The following CCS variants were observed in gnomAD, a reference collection of about 807,000 sequenced individuals.
CCS encodes copper chaperone for superoxide dismutase, also known as superoxide dismutase copper chaperone.
In CCS, 32 loss-of-function variants were observed where a neutral mutation model predicts 35.5. The observed-to-expected ratio is 0.90, with a 90% CI of 0.68 to 1.21. The LOEUF (loss-of-function observed/expected upper bound fraction) is 1.21, where lower values mean the gene tolerates loss of function less well. Ranked by LOEUF, CCS falls within the 50% of genes most tolerant of loss-of-function variation. The pLI is 0.00. For synonymous variants in CCS, 130 were observed against 147.2 expected (o/e 0.88, Z 0.84); for missense variants, 342 against 375.4 (o/e 0.91, Z 0.73).
chr11:66,605,890 A>T lies in CCS; in HGVS notation c.*35A>T, dbSNP rs971734484. ...CACCTTGGCTCTGTTGCTGTCCTCC[A>T]GGGCGAGCACTTTCCACTTCCAGAG... On this transcript the variant is annotated 3_prime_UTR_variant, in exon 8 of 8. Coordinates refer to ENST00000533244, the MANE Select transcript of CCS (RefSeq NM_005125.2). 8.2e-6 allele frequency: 12 copies of T among 1,459,926 alleles called. No homozygotes were observed. The highest frequency in any genetic ancestry group is 1.1e-5 in the Non-Finnish European group (12 of 1,106,328). 90.4% of individuals were successfully genotyped at this position (1,459,926 alleles called of 1,614,324 possible).
chr11:66,599,325 G>T, intron 3 of CCS, 72 bp downstream of exon 3: 6 of 1,514,564 alleles, frequency 4.0e-6, no homozygotes, highest in Non-Finnish European at 5.3e-6. Flanking sequence ...CTAATCATAG[G>T]ATTCTCAGGC....
chr11:66,605,317 C>T (rs750865778), intron 5 of CCS, 22 bp from the exon 6 acceptor site: 7 of 1,613,888 alleles, frequency 4.3e-6, no homozygotes, highest in South Asian at 3.3e-5. Flanking sequence ...ATCCCCTATA[C>T]ACACACTGGA....
Position 66,605,345 on chromosome 11 carries a change from GGA to G in CCS, c.499_500del (p.Asp167ProfsTer7). The G allele has an allele frequency of 2.5e-6, 4 of 1,614,156 alleles. No homozygotes were observed. The highest frequency in any genetic ancestry group is 3.4e-6 in the Non-Finnish European group (4 of 1,180,026). On this transcript the variant is annotated frameshift_variant, in exon 6 of 8. Coordinates refer to ENST00000533244, the MANE Select transcript of CCS (RefSeq NM_005125.2). LOFTEE classifies it high-confidence loss of function. Reference sequence around the variant, plus strand: ...ACACTGGATCTCATTCCAGCACCGCGGAGACCTGGGCAATGTCCGTGCTGATG... The same window carrying G: ...ACACTGGATCTCATTCCAGCACCGCGGACCTGGGCAATGTCCGTGCTGATG... ...GGPQDSDRHR[G>X]DLGNVRADAD...
At chr11:66,600,060 G>A (rs976814440) in intron 4 of CCS, 1 of 184,602 alleles carries the variant, frequency 5.4e-6, no homozygotes, top group African/African-American at 2.4e-5. Flanking sequence ...GAACTCAGGA[G>A]GTGGAGGTTG....
chr11:66,602,444 A>G (rs192262095), intron 5 of CCS, among the ~76,000 whole-genome samples: 3,604 of 152,174 alleles, frequency 0.024, 49 homozygotes, highest in Middle Eastern at 0.044. Context: ...CTCAGAGTGA[A>G]TGAGCGAGAG....
intron 2 of CCS, among the ~76,000 whole-genome samples, chr11:66,598,601 A>G (rs1033491139): frequency 4.0e-5 from 6 of 151,336 alleles, no homozygotes; most frequent in Admixed American, 3.3e-4. Flanking sequence ...TCTAATATAC[A>G]TGGCATTATA....
At chr11:66,603,301 A>G (rs1191775419) in intron 5 of CCS, among the ~76,000 whole-genome samples, 2 of 152,248 alleles carry the variant, frequency 1.3e-5, no homozygotes, top group Non-Finnish European at 2.9e-5. Context: ...CCAGCCGGGC[A>G]CAGTGGCTCA....
At chr11:66,605,264 A>G in intron 5 of CCS, 75 bp from the exon 6 acceptor site, 1 of 1,597,806 alleles carries the variant, frequency 6.3e-7, no homozygotes, top group Non-Finnish European at 8.5e-7. Flanking sequence ...AGGCGTCGGA[A>G]TCAGGAAATC....
chr11:66,602,976 C>G (rs1348000813), intron 5 of CCS, among the ~76,000 whole-genome samples: 2 of 152,250 alleles, frequency 1.3e-5, no homozygotes, highest in Non-Finnish European at 2.9e-5. Context: ...CCTAACTGAT[C>G]TCTAAGCTCC....
intron 5 of CCS, among the ~76,000 whole-genome samples, chr11:66,602,995 C>A (rs1232743058): frequency 6.6e-6 from 1 of 152,224 alleles, no homozygotes; most frequent in Non-Finnish European, 1.5e-5. Flanking sequence ...CCCTTCTGTT[C>A]TCTCCTCACC....
rs1252077972 is a variant in CCS at position 66,593,779 on chromosome 11, A to G, written c.112+65A>G. Reference sequence around the variant, plus strand: ...CCTCTGGGAGGGACCAGGCGAATCTATTAGGCGAACCCTACTCCCATTTTA... The same window carrying G: ...CCTCTGGGAGGGACCAGGCGAATCTGTTAGGCGAACCCTACTCCCATTTTA... On this transcript the variant is annotated intron_variant, in intron 2 of 7. Transcript: ENST00000533244. The G allele has an allele frequency of 4.2e-6, 6 of 1,445,358 alleles. No homozygotes were observed. The African/African-American group carries it at 4.2e-5, about 10-fold the overall frequency. The allele number at this position is 1,445,358 out of a possible 1,614,324, so 89.5% of individuals were successfully genotyped here. A position where few individuals can be genotyped will look rare whatever the true frequency, so the allele number is the denominator to read the frequency against.
intron 5 of CCS, among the ~76,000 whole-genome samples, chr11:66,602,756 A>AG (rs1350476260): frequency 6.6e-6 from 1 of 152,238 alleles, no homozygotes; most frequent in African/African-American, 2.4e-5. Flanking sequence ...CCTGGGCCCC[A>AG]GGTGGGGCAG....
rs145161523 is a variant in CCS at position 66,599,568 on chromosome 11, C to T, written c.360C>T (p.Asp120=). Residue 120 remains aspartate (D), a synonymous_variant, in exon 4 of 8, where the codon GAC becomes GAT. Transcript: ENST00000533244. ...PERCLIEGTI[D]GLEPGLHGLH... is the part of the protein sequence containing the mutation. ...GCTGCCTCATCGAGGGAACTATTGACGGCCTGGAGCCTGGGCTGCATGGAC... is the reference window on the plus strand; with the variant it reads ...GCTGCCTCATCGAGGGAACTATTGATGGCCTGGAGCCTGGGCTGCATGGAC... 1.9e-5 allele frequency: 30 copies of T among 1,604,662 alleles called. No individual in the cohort carries two copies. Among genetic ancestry groups the T allele is most frequent in the Admixed American group, 1.8e-4 (10 of 57,024 alleles).
chr11:66,601,294 G>C (rs548850094), intron 5 of CCS, among the ~76,000 whole-genome samples: 5 of 152,138 alleles, frequency 3.3e-5, no homozygotes, highest in African/African-American at 9.6e-5. Context: ...GGTTTCACCA[G>C]GTTGGCCAGG....
At position 66,605,765 on chromosome 11, in the gene CCS, T is replaced by G; in HGVS notation, c.735T>G (p.Ser245=). The change falls in exon 8 of 8, where the codon TCT becomes TCG. Residue 245 remains serine (S), a synonymous_variant. Coordinates refer to ENST00000533244, the MANE Select transcript of CCS (RefSeq NM_005125.2). ...TCCAGAACCCCAAGCAGATCTGCTC[T>G]TGCGATGGCCTCACCATCTGGGAGG... is the stretch of plus-strand genomic sequence containing the variant. The part of the protein sequence containing the change: ...GLFQNPKQIC[S]CDGLTIWEER... 6.2e-7 allele frequency: 1 copy of G among 1,608,384 alleles called. No individual in the cohort carries two copies. The highest frequency in any genetic ancestry group is 8.5e-7 in the Non-Finnish European group (1 of 1,176,934).
In CCS at chr11:66,599,568, C is replaced by A; in HGVS notation, c.360C>A (p.Asp120Glu). Residue 120 changes from aspartate to glutamate, a missense_variant, in exon 4 of 8, where the codon GAC becomes GAA. By Grantham distance (45) the Asp-to-Glu change is conservative (BLOSUM62 2). Coordinates refer to ENST00000533244, the MANE Select transcript of CCS (RefSeq NM_005125.2). The stretch of plus-strand genomic sequence containing the variant: ...GCTGCCTCATCGAGGGAACTATTGA[C>A]GGCCTGGAGCCTGGGCTGCATGGAC... ...PERCLIEGTI[D>E]GLEPGLHGLH... 6.2e-7 allele frequency: 1 copy of A among 1,604,780 alleles called. No individual in the cohort carries two copies. The highest frequency in any genetic ancestry group is 8.5e-7 in the Non-Finnish European group (1 of 1,176,664).
chr11:66,600,267 A>G (rs1439293350), intron 4 of CCS: 4 of 385,112 alleles, frequency 1.0e-5, no homozygotes, highest in Non-Finnish European at 9.2e-6. Context: ...TGATATAACT[A>G]GTTGTTTACT....
At position 66,600,509 on chromosome 11, in the gene CCS, C is replaced by T. The variant is rs1457266419; in HGVS notation, c.449C>T (p.Pro150Leu). 5 of 1,542,808 alleles carry T rather than the reference C, an allele frequency of 3.2e-6. No homozygotes were observed. The highest frequency in any genetic ancestry group is 4.4e-6 in the Non-Finnish European group (5 of 1,140,880). The change falls in exon 5 of 8, where the codon CCT (proline) becomes CTT (leucine). Residue 150 changes from proline to leucine, a missense_variant. By Grantham distance (98) the Pro-to-Leu change is moderately conservative. Transcript: ENST00000533244. Reference sequence around the variant, plus strand: ...CTTAGCTGTGGGAATCACTTTAACCCTGATGGAGCATCTCATGGGGGCCCC... The same window carrying T: ...CTTAGCTGTGGGAATCACTTTAACCTTGATGGAGCATCTCATGGGGGCCCC... ...NCNSCGNHFN[P>L]DGASHGGPQD...
intron 2 of CCS, among the ~76,000 whole-genome samples, chr11:66,598,255 A>T (rs552231388): frequency 6.6e-6 from 1 of 151,864 alleles, no homozygotes; most frequent in African/African-American, 2.4e-5. Flanking sequence ...TAATCTCAGT[A>T]CTTTGGGAGA....
Sources: gnomAD v4.1 joint callset for allele counts (sites outside exome capture counted in the v4.1 genomes callset) on GRCh38, gnomAD v4.1.1 for gene constraint, MANE v1.5 for transcripts, NCBI Gene and HGNC (gene_info 2026-07-23, HGNC 2026-07-21) for gene names.